Variants in CACNA1D observed in about 807,000 individuals in gnomAD.
The protein encoded by CACNA1D is calcium voltage-gated channel subunit alpha1 D, also known as voltage-dependent L-type calcium channel subunit alpha-1D.
In CACNA1D, 55 loss-of-function variants were observed where a neutral mutation model predicts 257.1. That is an observed-to-expected ratio of 0.21 (90% CI 0.17 to 0.27). The LOEUF is 0.27. CACNA1D is among the 10% of genes least tolerant of loss of function. CACNA1D has a pLI of 1.00. For missense variants in CACNA1D, 1,876 were observed against 2,784.0 expected (o/e 0.67, Z 7.34); for synonymous variants, 980 against 1,014.9 (o/e 0.97, Z 0.65).
intron 11 of CACNA1D, among the ~76,000 whole-genome samples, chr3:53,720,663 G>T (rs2094873632): frequency 6.6e-6 from 1 of 152,178 alleles, no homozygotes; most frequent in Admixed American, 6.5e-5. Context: ...ACCATCAGTT[G>T]TTACAAAAAT....
chr3:53,508,799 C>T (rs1179931810), intron 3 of CACNA1D, among the ~76,000 whole-genome samples: 1 of 152,174 alleles, frequency 6.6e-6, no homozygotes, highest in Admixed American at 6.5e-5. Context: ...GCGGTGGGGA[C>T]ACGCCCCAAC....
rs2095602919 is a variant in CACNA1D, at chr3:53,812,048, C to T, written c.*642C>T. 6.6e-6 allele frequency: 1 copy of T among 152,344 alleles called. No homozygotes were observed. The highest frequency in any genetic ancestry group is 1.5e-5 in the Non-Finnish European group (1 of 68,042). The allele number at this position is 152,344 out of a possible 1,614,324, so 9.4% of individuals were successfully genotyped here. ...CAGTTTACATAAGAGAATATCACTC[C>T]GATGGTCGGTTTCTGACTGTCACGC... On this transcript the variant is annotated 3_prime_UTR_variant, in exon 48 of 48. Coordinates refer to ENST00000350061, the MANE Select transcript of CACNA1D (RefSeq NM_001128840.3).
chr3:53,776,499 C>G (rs1230136282), intron 35 of CACNA1D, 104 bp from the exon 36 acceptor site: 14 of 1,364,872 alleles, frequency 1.0e-5, no homozygotes, highest in Non-Finnish European at 1.2e-5. Context: ...CTCTTGGAGA[C>G]ATGGGTTCCC....
intron 3 of CACNA1D, among the ~76,000 whole-genome samples, chr3:53,600,510 AG>A (rs1213519929): frequency 6.6e-6 from 1 of 152,202 alleles, no homozygotes; most frequent in East Asian, 1.9e-4. Context: ...AGGGAAACTG[AG>A]ATACCAAAAG....
chr3:53,740,452 A>C (rs2095105216), intron 21 of CACNA1D, 113 bp downstream of exon 21: 1 of 788,538 alleles, frequency 1.3e-6, no homozygotes, highest in African/African-American at 1.7e-5. Flanking sequence ...CTTCACTGGT[A>C]CTTTTGCATT....
At position 53,494,977 on chromosome 3, in the gene CACNA1D, T is replaced by G. The variant is rs2090284695; in HGVS notation, c.-190T>G. ...AAGAGAGAGCTTGGGTGGCGAGCGG[T>G]TTTTTTTTTAAATCAATTATCCTTA... On this transcript the variant is annotated 5_prime_UTR_variant, in exon 1 of 48. Transcript: ENST00000350061. 1 of 581,152 alleles carries G rather than the reference T, an allele frequency of 1.7e-6. No individual in the cohort carries two copies. The allele number at this position is 581,152 out of a possible 1,614,324, so 36.0% of individuals were successfully genotyped here. A position where few individuals can be genotyped will look rare whatever the true frequency, so the allele number is the denominator to read the frequency against.
At chr3:53,781,053 G>T (rs946446157) in intron 38 of CACNA1D, among the ~76,000 whole-genome samples, 1 of 152,200 alleles carries the variant, frequency 6.6e-6, no homozygotes, top group South Asian at 2.1e-4. Flanking sequence ...AAGGCAGAAT[G>T]GTCCTCTATA....
chr3:53,674,522 C>T (rs1220768516), intron 8 of CACNA1D, among the ~76,000 whole-genome samples: 1 of 152,204 alleles, frequency 6.6e-6, no homozygotes, highest in Non-Finnish European at 1.5e-5. Context: ...TTTATCACTT[C>T]CTCTCTATGG....
At chr3:53,515,234 G>A (rs2091285614) in intron 3 of CACNA1D, among the ~76,000 whole-genome samples, 1 of 152,142 alleles carries the variant, frequency 6.6e-6, no homozygotes, top group Non-Finnish European at 1.5e-5. Flanking sequence ...AAATCCACCA[G>A]GTGTCTCTTG....
At chr3:53,696,425 G>A (rs1460079567) in intron 8 of CACNA1D, among the ~76,000 whole-genome samples, 1 of 152,230 alleles carries the variant, frequency 6.6e-6, no homozygotes, top group African/African-American at 2.4e-5. Context: ...GTCTATACAA[G>A]AGGGTGATAG....
intron 15 of CACNA1D, among the ~76,000 whole-genome samples, chr3:53,727,434 G>A (rs1452829412): frequency 2.0e-5 from 3 of 152,186 alleles, no homozygotes; most frequent in African/African-American, 4.8e-5. Flanking sequence ...GGACTGATCT[G>A]TGCTCCCCTG....
chr3:53,562,869 G>A (rs1448789465), intron 3 of CACNA1D, among the ~76,000 whole-genome samples: 1 of 152,196 alleles, frequency 6.6e-6, no homozygotes, highest in African/African-American at 2.4e-5. Context: ...ACCCTGGAAA[G>A]TAGATGCTAT....
intron 29 of CACNA1D, among the ~76,000 whole-genome samples, chr3:53,755,623 G>A (rs2095259003): frequency 6.6e-6 from 1 of 152,128 alleles, no homozygotes; most frequent in Non-Finnish European, 1.5e-5. Context: ...CATAGCATTA[G>A]ACAACCTCAC....
intron 9 of CACNA1D, among the ~76,000 whole-genome samples, chr3:53,711,481 G>A (rs1327288948): frequency 6.6e-6 from 1 of 152,232 alleles, no homozygotes; most frequent in Non-Finnish European, 1.5e-5. Flanking sequence ...CATGGCAGTG[G>A]TTCGACAGCA....
chr3:53,780,185 C>A, intron 38 of CACNA1D, 57 bp downstream of exon 38: 2 of 1,333,800 alleles, frequency 1.5e-6, no homozygotes, highest in Non-Finnish European at 2.2e-6. Flanking sequence ...ACATCACATC[C>A]CATCTTGCCT....
rs2094265497 is a variant in CACNA1D, at chr3:53,666,540, G to A, written c.1116+5G>A. ...TGGACAGATGTGCTCTACTGGGTAA[G>A]TACCCTGGGGAGAGAGTTTATGGAG... On this transcript the variant is annotated splice_donor_5th_base_variant and intron_variant, in intron 7 of 47. Coordinates refer to ENST00000350061, the MANE Select transcript of CACNA1D (RefSeq NM_001128840.3). 1.2e-6 allele frequency: 2 copies of A among 1,609,024 alleles called. No homozygotes were observed. Among genetic ancestry groups the A allele is most frequent in the African/African-American group, 2.7e-5 (2 of 74,926 alleles).
At chr3:53,806,879 C>G (rs2095568843) in intron 45 of CACNA1D, among the ~76,000 whole-genome samples, 1 of 152,214 alleles carries the variant, frequency 6.6e-6, no homozygotes, top group South Asian at 2.1e-4. Context: ...GGCCCTCGCC[C>G]TTGTGAGTTC....
intron 30 of CACNA1D, chr3:53,762,783 C>A (rs1188526863): frequency 8.3e-6 from 3 of 360,554 alleles, no homozygotes; most frequent in Non-Finnish European, 1.7e-5. Context: ...TTGTAGTTTC[C>A]TCTATCTCAC....
chr3:53,677,251 G>A (rs1014051396), intron 8 of CACNA1D, among the ~76,000 whole-genome samples: 3 of 152,108 alleles, frequency 2.0e-5, no homozygotes, highest in Non-Finnish European at 4.4e-5. Context: ...GGACGCCCTA[G>A]GCTCCCAGGA....
Sources: allele counts gnomAD v4.1 joint callset (sites outside exome capture counted in the v4.1 genomes callset), GRCh38; gene constraint gnomAD v4.1.1; transcripts MANE v1.5; gene names NCBI Gene and HGNC (gene_info 2026-07-23, HGNC 2026-07-21).